Variants in C10orf88 observed in about 807,000 individuals in gnomAD.
C10orf88 encodes chromosome 10 open reading frame 88.
Under a neutral mutation model 34.2 loss-of-function variants are expected in C10orf88, and 29 were observed. That is an observed-to-expected ratio of 0.85 (90% confidence interval 0.63 to 1.16). C10orf88 has a LOEUF of 1.16. Among genes scored for constraint, C10orf88 ranks in the 50% most tolerant of loss-of-function variants. The probability of loss-of-function intolerance (pLI) is 0.00; values close to 1 mark genes in which losing one functional copy is unlikely to be tolerated. For synonymous variants in C10orf88, 194 were observed against 197.4 expected (o/e 0.98, Z 0.15); for missense variants, 507 against 533.2 (o/e 0.95, Z 0.48).
intron 5 of C10orf88, among the ~76,000 whole-genome samples, chr10:122,933,692 G>C (rs1267412563): frequency 6.6e-6 from 1 of 152,144 alleles, no homozygotes; most frequent in Non-Finnish European, 1.5e-5. Flanking sequence ...CAAGGTAGTA[G>C]AGATTTAGTG....
Position 122,931,707 on chromosome 10 carries a change from T to A in C10orf88, c.*720A>T, listed in dbSNP as rs1173503312. 1 of 152,156 alleles carries A rather than the reference T, an allele frequency of 6.6e-6. No individual in the cohort carries two copies. The highest frequency in any genetic ancestry group is 1.5e-5 in the Non-Finnish European group (1 of 68,040). 9.4% of individuals were successfully genotyped at this position (152,156 alleles called of 1,614,324 possible). On this transcript the variant is annotated 3_prime_UTR_variant, in exon 6 of 6. Transcript: ENST00000481909. ...AAGGATTCTGGGGAAAAAACCTGTA[T>A]CAGCTCAAAAGGAGAGGTTTTCTTA...
intron 5 of C10orf88, among the ~76,000 whole-genome samples, chr10:122,936,701 C>G (rs763465687): frequency 2.0e-5 from 3 of 151,780 alleles, no homozygotes; most frequent in Non-Finnish European, 4.4e-5. Flanking sequence ...TCATTCATTT[C>G]TGTGTAATAG....
intron 3 of C10orf88, among the ~76,000 whole-genome samples, chr10:122,950,491 T>C (rs948695565): frequency 3.3e-5 from 5 of 152,346 alleles, no homozygotes; most frequent in African/African-American, 9.6e-5. Context: ...TACAGACTCA[T>C]GATCCAAGAA....
intron 4 of C10orf88, among the ~76,000 whole-genome samples, chr10:122,939,344 G>A (rs1848563651): frequency 6.6e-6 from 1 of 151,428 alleles, no homozygotes; most frequent in Non-Finnish European, 1.5e-5. Flanking sequence ...AGTGAAGAAG[G>A]AAGAAGAGAA....
intron 3 of C10orf88, among the ~76,000 whole-genome samples, chr10:122,949,997 C>T (rs1848676207): frequency 6.6e-6 from 1 of 152,168 alleles, no homozygotes; most frequent in Admixed American, 6.5e-5. Flanking sequence ...TCTCTTCTGG[C>T]TTCTATCCCT....
chr10:122,953,226 C>A (rs1848709619), intron 1 of C10orf88, among the ~76,000 whole-genome samples, 194 bp from the exon 2 acceptor site: 2 of 152,114 alleles, frequency 1.3e-5, no homozygotes, highest in African/African-American at 4.8e-5. Flanking sequence ...TACAGGCACC[C>A]GCCACCGCGC....
chr10:122,951,057 T>C (rs1848685170), intron 3 of C10orf88, among the ~76,000 whole-genome samples: 1 of 152,342 alleles, frequency 6.6e-6, no homozygotes, highest in South Asian at 2.1e-4. Flanking sequence ...ACTAATCCAC[T>C]AGTCAGGACA....
At chr10:122,935,046 T>C (rs1202445563) in intron 5 of C10orf88, among the ~76,000 whole-genome samples, 1 of 152,040 alleles carries the variant, frequency 6.6e-6, no homozygotes, top group Non-Finnish European at 1.5e-5. Context: ...GTTTTGAGAG[T>C]TCTTTATGTA....
At chr10:122,952,083 T>G (rs1848695842) in intron 2 of C10orf88, 57 bp from the exon 3 acceptor site, 2 of 837,826 alleles carry the variant, frequency 2.4e-6, no homozygotes, top group Admixed American at 5.6e-5. Context: ...CTTTTAATAG[T>G]TACACTTAAA....
In C10orf88 at chr10:122,932,334, C is replaced by T; in HGVS notation, c.*93G>A. Reference sequence around the variant, plus strand: ...TGTAAGACAATGATCCCTCAAAGGACATTAAATACTTGCTTTTTATAAATA... The same window carrying T: ...TGTAAGACAATGATCCCTCAAAGGATATTAAATACTTGCTTTTTATAAATA... On this transcript the variant is annotated 3_prime_UTR_variant, in exon 6 of 6. Transcript: ENST00000481909. 3 of 1,057,520 alleles carry T rather than the reference C, an allele frequency of 2.8e-6. No homozygotes were observed. In the East Asian group the frequency reaches 7.8e-5, roughly 27 times the overall value. 65.5% of individuals were successfully genotyped at this position (1,057,520 alleles called of 1,614,324 possible).
intron 4 of C10orf88, among the ~76,000 whole-genome samples, chr10:122,945,025 T>C (rs1848625559): frequency 2.0e-5 from 3 of 150,494 alleles, no homozygotes; most frequent in Admixed American, 1.3e-4. Flanking sequence ...TATAGATATA[T>C]GCGTGTATAT....
At chr10:122,944,031 A>G (rs1308312941) in intron 4 of C10orf88, among the ~76,000 whole-genome samples, 2 of 152,044 alleles carry the variant, frequency 1.3e-5, no homozygotes, top group South Asian at 2.1e-4. Flanking sequence ...CTGGGTATAT[A>G]CCCAAAGGAT....
chr10:122,952,313 T>C (rs762197616), intron 2 of C10orf88, among the ~76,000 whole-genome samples: 3 of 152,186 alleles, frequency 2.0e-5, no homozygotes, highest in Non-Finnish European at 2.9e-5. Context: ...ATGCAGGATA[T>C]AAAACAGTTC....
intron 3 of C10orf88, among the ~76,000 whole-genome samples, chr10:122,950,399 T>C (rs999347159): frequency 6.6e-6 from 1 of 152,188 alleles, no homozygotes; most frequent in Non-Finnish European, 1.5e-5. Flanking sequence ...TGCACTCCCA[T>C]GTACCTCCAT....
chr10:122,950,167 T>C (rs1848678025), intron 3 of C10orf88, among the ~76,000 whole-genome samples: 2 of 152,210 alleles, frequency 1.3e-5, no homozygotes, highest in Admixed American at 6.5e-5. Context: ...TGTGTGACCC[T>C]GGGCAAATGC....
chr10:122,938,936 TG>T (rs1848559338), intron 4 of C10orf88, among the ~76,000 whole-genome samples: 8 of 152,162 alleles, frequency 5.3e-5, no homozygotes, highest in Admixed American at 2.0e-4. Context: ...TTAAGGCATA[TG>T]GCTCCACTCT....
In C10orf88 at chr10:122,937,559, A is replaced by C; in HGVS notation, c.1103+146T>G. 3 of 638,152 alleles carry C rather than the reference A, an allele frequency of 4.7e-6. No individual in the cohort carries two copies. In the South Asian group the frequency reaches 6.2e-5, roughly 13 times the overall value. The allele number at this position is 638,152 out of a possible 1,614,324, so 39.5% of individuals were successfully genotyped here. On this transcript the variant is annotated intron_variant, in intron 5 of 5. Coordinates refer to ENST00000481909, the MANE Select transcript of C10orf88 (RefSeq NM_024942.4). ...TTCTACTCTGCAGTTATCCCCTTTAAGTGTATTAATGGTAAAATGTAAAAG... is the reference window on the plus strand; with the variant it reads ...TTCTACTCTGCAGTTATCCCCTTTACGTGTATTAATGGTAAAATGTAAAAG...
chr10:122,948,465 G>A (rs959444655), intron 4 of C10orf88, among the ~76,000 whole-genome samples, 184 bp downstream of exon 4: 1 of 152,200 alleles, frequency 6.6e-6, no homozygotes, highest in African/African-American at 2.4e-5. Flanking sequence ...CATAAAAAGT[G>A]TGAAAATGTG....
intron 4 of C10orf88, among the ~76,000 whole-genome samples, chr10:122,940,388 T>C (rs1275493200): frequency 6.6e-6 from 1 of 151,790 alleles, no homozygotes; most frequent in Non-Finnish European, 1.5e-5. Flanking sequence ...AGTAGAATGG[T>C]GGTTGCTAGG....
Sources: gnomAD v4.1 joint callset for allele counts (sites outside exome capture counted in the v4.1 genomes callset) on GRCh38, gnomAD v4.1.1 for gene constraint, MANE v1.5 for transcripts, NCBI Gene and HGNC (gene_info 2026-07-23, HGNC 2026-07-21) for gene names.